Variants in SLA observed in about 807,000 individuals in gnomAD.
The protein encoded by SLA is Src like adaptor.
Under a neutral mutation model 30.3 loss-of-function variants are expected in SLA, and 16 were observed. The ratio of observed to expected loss-of-function variants is 0.53; its 90% CI spans 0.36 to 0.80. The LOEUF (loss-of-function observed/expected upper bound fraction) is 0.80. SLA is among the 30% of genes least tolerant of loss of function. The pLI is 0.01. For missense variants in SLA, 310 were observed against 345.2 expected (o/e 0.90, Z 0.81); for synonymous variants, 143 against 137.8 (o/e 1.04, Z -0.26).
At chr8:133,093,616 TC>T (rs1325788063) in intron 1 of SLA, among the ~76,000 whole-genome samples, 3 of 152,130 alleles carry the variant, frequency 2.0e-5, no homozygotes, top group Admixed American at 6.5e-5. Flanking sequence ...ATCCCCCAAT[TC>T]CATGCACTTG....
intron 1 of SLA, among the ~76,000 whole-genome samples, chr8:133,084,738 C>A (rs1485521298): frequency 1.3e-5 from 2 of 152,226 alleles, no homozygotes; most frequent in East Asian, 1.9e-4. Context: ...CCGGGAGAGA[C>A]CCCTTAGAGC....
intron 6 of SLA, chr8:133,046,393 C>T (rs75793403): frequency 6.6e-6 from 1 of 152,274 alleles, no homozygotes; most frequent in South Asian, 2.1e-4. Flanking sequence ...AAATGCCACC[C>T]TGGGGTGTGA....
chr8:133,039,948 T>G (rs1178941266), intron 8 of SLA, 50 bp downstream of exon 8: 1 of 1,480,452 alleles, frequency 6.8e-7, no homozygotes, highest in East Asian at 2.6e-5. Context: ...ACAGAGCACT[T>G]GCATGCACAC....
chr8:133,050,308 G>A (rs2131216367), intron 4 of SLA: 1 of 389,678 alleles, frequency 2.6e-6, no homozygotes, highest in South Asian at 2.9e-5. Context: ...GTTGATTTAT[G>A]CTCTGCAGTA....
At chr8:133,073,769 C>T (rs1415136213) in intron 2 of SLA, among the ~76,000 whole-genome samples, 2 of 152,102 alleles carry the variant, frequency 1.3e-5, no homozygotes, top group Non-Finnish European at 2.9e-5. Context: ...CGCTTGTTCT[C>T]GCTGAGGCTC....
intron 3 of SLA, among the ~76,000 whole-genome samples, chr8:133,054,851 G>C (rs925975524): frequency 2.6e-5 from 4 of 152,150 alleles, no homozygotes; most frequent in Non-Finnish European, 5.9e-5. Context: ...AAGAGAGGAC[G>C]GGCCCTTTTG....
At chr8:133,080,706 A>C (rs1317889733) in intron 1 of SLA, among the ~76,000 whole-genome samples, 1 of 152,120 alleles carries the variant, frequency 6.6e-6, no homozygotes, top group African/African-American at 2.4e-5. Context: ...CAAGGCCTCC[A>C]TGCCCCACTC....
At chr8:133,083,765 T>G (rs1846086388) in intron 1 of SLA, among the ~76,000 whole-genome samples, 1 of 152,210 alleles carries the variant, frequency 6.6e-6, no homozygotes, top group Non-Finnish European at 1.5e-5. Context: ...TTGTGTGATG[T>G]GGGTTCCAGA....
chr8:133,051,126 C>G (rs2252706), intron 3 of SLA, among the ~76,000 whole-genome samples: 23,270 of 152,152 alleles, frequency 0.15, 2,694 homozygotes, highest in East Asian at 0.53. Flanking sequence ...TGACATGCTC[C>G]TATTCTTAAG....
At chr8:133,101,095 G>A (rs1014600508) in intron 1 of SLA, among the ~76,000 whole-genome samples, 1 of 152,028 alleles carries the variant, frequency 6.6e-6, no homozygotes, top group Non-Finnish European at 1.5e-5. Flanking sequence ...GGAGGGTGGC[G>A]GGTGGCAGGC....
chr8:133,047,200 A>G (rs1411439521), intron 6 of SLA: 1 of 152,130 alleles, frequency 6.6e-6, no homozygotes, highest in Non-Finnish European at 1.5e-5. Flanking sequence ...CAAAGAGCTC[A>G]CTCTATTTGT....
intron 5 of SLA, 66 bp from the exon 6 acceptor site, chr8:133,047,999 G>T (rs888711478): frequency 4.4e-6 from 4 of 913,812 alleles, no homozygotes; most frequent in African/African-American, 3.2e-5. Flanking sequence ...GCAGGAATGC[G>T]CCACCCACCG....
At chr8:133,052,461 G>A (rs541908466) in intron 3 of SLA, among the ~76,000 whole-genome samples, 86 of 152,258 alleles carry the variant, frequency 5.6e-4, no homozygotes, top group African/African-American at 1.9e-3. Flanking sequence ...CAGTCGTGTC[G>A]GGACGTAAAA....
intron 3 of SLA, among the ~76,000 whole-genome samples, chr8:133,058,796 G>A (rs1841926063): frequency 6.6e-6 from 1 of 152,212 alleles, no homozygotes; most frequent in Non-Finnish European, 1.5e-5. Context: ...TTGTCATCTG[G>A]TTCCACCTCC....
Position 133,087,157 on chromosome 8 carries a change from CAG to C in SLA, c.-318-12029_-318-12028del, listed in dbSNP as rs1276873091. Among the ~76,000 whole-genome samples the C allele has an allele frequency of 3.3e-5, 5 of 151,200 alleles. No individual in the cohort carries two copies. The East Asian group carries it at 7.8e-4, about 24-fold the overall frequency. ...CATATTGGAGGCTAATAGCATTTAACAGTGGTTTTCTTTGATTGGGAGGATTA... is the reference window on the plus strand; with the variant it reads ...CATATTGGAGGCTAATAGCATTTAACTGGTTTTCTTTGATTGGGAGGATTA... On this transcript the variant is annotated intron_variant, in intron 1 of 8. Transcript: ENST00000338087.
intron 3 of SLA, among the ~76,000 whole-genome samples, chr8:133,054,770 G>T (rs1841051136): frequency 6.6e-6 from 1 of 152,172 alleles, no homozygotes; most frequent in Non-Finnish European, 1.5e-5. Context: ...TGAACAAAAT[G>T]TACAAAAGCG....
At chr8:133,043,169 G>T (rs143706605) in intron 7 of SLA, among the ~76,000 whole-genome samples, 2 of 152,254 alleles carry the variant, frequency 1.3e-5, no homozygotes, top group African/African-American at 4.8e-5. Context: ...CATACTGCGG[G>T]AAGGCGCCAG....
intron 2 of SLA, among the ~76,000 whole-genome samples, chr8:133,062,508 G>A (rs190294687): frequency 6.6e-6 from 1 of 152,388 alleles, no homozygotes; most frequent in Non-Finnish European, 1.5e-5. Context: ...CCTTGAGGAA[G>A]TCAGGATCCC....
At chr8:133,091,011 C>T (rs1847423366) in intron 1 of SLA, among the ~76,000 whole-genome samples, 1 of 152,192 alleles carries the variant, frequency 6.6e-6, no homozygotes, top group Non-Finnish European at 1.5e-5. Flanking sequence ...AGGGAAGTGG[C>T]TTCAACTCTA....
Sources: allele counts gnomAD v4.1 joint callset (sites outside exome capture counted in the v4.1 genomes callset), GRCh38; gene constraint gnomAD v4.1.1; transcripts MANE v1.5; gene names NCBI Gene and HGNC (gene_info 2026-07-23, HGNC 2026-07-21).